Variants in SLC27A2 observed in about 807,000 individuals in gnomAD.
The protein encoded by SLC27A2 is solute carrier family 27 member 2.
Under a neutral mutation model 60.0 loss-of-function variants are expected in SLC27A2, and 54 were observed. The ratio of observed to expected loss-of-function variants is 0.90; its 90% CI spans 0.72 to 1.13. SLC27A2 has a LOEUF of 1.13. SLC27A2 is among the 50% of genes most tolerant of loss of function. The probability of loss-of-function intolerance (pLI) is 0.00; values close to 1 mark genes in which losing one functional copy is unlikely to be tolerated. For synonymous variants in SLC27A2, 297 were observed against 297.6 expected, an observed-to-expected ratio of 1.00 and a Z score of 0.02; for missense variants, 739 against 777.6, an observed-to-expected ratio of 0.95 and a Z score of 0.59.
intron 2 of SLC27A2, among the ~76,000 whole-genome samples, chr15:50,200,412 T>A (rs561518324): frequency 0.039 from 3,019 of 77,030 alleles, 45 homozygotes; most frequent in Admixed American, 0.058. Context: ...TGAAAGCCTA[T>A]CTCAAAAATA....
chr15:50,230,606 A>G (rs2045310713), intron 8 of SLC27A2, among the ~76,000 whole-genome samples: 1 of 152,158 alleles, frequency 6.6e-6, no homozygotes, highest in Non-Finnish European at 1.5e-5. Flanking sequence ...AGGGACAATG[A>G]CACGAGGGGA....
intron 2 of SLC27A2, among the ~76,000 whole-genome samples, chr15:50,200,326 GC>G (rs1287509870): frequency 6.6e-6 from 1 of 152,044 alleles, no homozygotes; most frequent in Non-Finnish European, 1.5e-5. Flanking sequence ...TACCTGGGGG[GC>G]TGAGACAGGA....
intron 1 of SLC27A2, among the ~76,000 whole-genome samples, chr15:50,196,247 C>T (rs542835313): frequency 1.3e-5 from 2 of 150,148 alleles, no homozygotes; most frequent in Non-Finnish European, 3.0e-5. Flanking sequence ...CATATTAAAT[C>T]GGTGCCTTTA....
intron 9 of SLC27A2, among the ~76,000 whole-genome samples, chr15:50,235,499 CT>C (rs2045345105): frequency 6.6e-6 from 1 of 152,118 alleles, no homozygotes; most frequent in South Asian, 2.1e-4. Flanking sequence ...GATCCTAAAG[CT>C]TTAAGGGAAT....
At chr15:50,217,543 C>A (rs1014137354) in intron 4 of SLC27A2, among the ~76,000 whole-genome samples, 1 of 152,108 alleles carries the variant, frequency 6.6e-6, no homozygotes, top group Non-Finnish European at 1.5e-5. Context: ...TTAGGAAGAA[C>A]TAAACTTTCC....
At chr15:50,183,020 A>G in intron 1 of SLC27A2, 115 bp downstream of exon 1, 1 of 1,072,808 alleles carries the variant, frequency 9.3e-7, no homozygotes, top group Non-Finnish European at 1.3e-6. Flanking sequence ...AACTGTAGGT[A>G]TAGAAAAAGG....
At chr15:50,233,298 C>T (rs1393489903) in intron 8 of SLC27A2, among the ~76,000 whole-genome samples, 7 of 152,192 alleles carry the variant, frequency 4.6e-5, no homozygotes. Flanking sequence ...ACAAACCTGA[C>T]ATTGCAACCT....
intron 4 of SLC27A2, among the ~76,000 whole-genome samples, chr15:50,218,060 CAAAAAAAAAAAAAA>C (rs34661754): frequency 5.9e-4 from 38 of 63,900 alleles, no homozygotes; most frequent in Non-Finnish European, 8.4e-4. Context: ...GACTCTGTCT[CAAAAAAAAAAAAAA>C]AAAAAAAAAA....
chr15:50,215,669 C>G (rs370160827), intron 4 of SLC27A2, among the ~76,000 whole-genome samples: 137 of 152,242 alleles, frequency 9.0e-4, no homozygotes, highest in African/African-American at 3.0e-3. Context: ...TAAATACTTA[C>G]AGTCAACTGA....
At chr15:50,200,270 T>C (rs953633585) in intron 2 of SLC27A2, among the ~76,000 whole-genome samples, 6 of 151,900 alleles carry the variant, frequency 3.9e-5, no homozygotes, top group Non-Finnish European at 7.4e-5. Flanking sequence ...CTACAAAAAA[T>C]ATAAATAAAC....
chr15:50,187,029 A>G (rs1316228045), intron 1 of SLC27A2, among the ~76,000 whole-genome samples: 1 of 152,240 alleles, frequency 6.6e-6, no homozygotes, highest in Non-Finnish European at 1.5e-5. Flanking sequence ...GGCATTTATC[A>G]TGAGGATTGA....
At chr15:50,196,053 C>CAAAAAAAAAAAAAATTAAA (rs1567428267) in intron 1 of SLC27A2, among the ~76,000 whole-genome samples, 2 of 1,820 alleles carry the variant, frequency 1.1e-3, no homozygotes, top group Non-Finnish European at 2.9e-3. Flanking sequence ...GACTCTGTCT[C>CAAAAAAAAAAAAAATTAAA]AAAAAAAAAA....
chr15:50,205,326 T>C lies in SLC27A2; in HGVS notation c.935T>C (p.Ile312Thr), dbSNP rs1343668227. The C allele has an allele frequency of 5.0e-6, 8 of 1,609,622 alleles. No homozygotes were observed. The highest frequency in any genetic ancestry group is 4.0e-5 in the African/African-American group (3 of 74,874). ...TACAACGTCACTGTCATTCAGTATA[T>C]CGGTGAACTGCTTCGGTATTTATGC... ...RKYNVTVIQY[I>T]GELLRYLCNS... The change falls in exon 4 of 10, where the codon ATC (isoleucine) becomes ACC (threonine). Residue 312 changes from isoleucine to threonine, a missense_variant. By Grantham distance (89) the Ile-to-Thr change is moderately conservative. Transcript: ENST00000267842.
intron 1 of SLC27A2, among the ~76,000 whole-genome samples, chr15:50,186,901 A>C (rs996724362): frequency 1.3e-5 from 2 of 152,224 alleles, no homozygotes; most frequent in African/African-American, 4.8e-5. Flanking sequence ...AACATGATAC[A>C]TAAATGTCAG....
chr15:50,203,013 T>TTA (rs1555500673), intron 3 of SLC27A2, among the ~76,000 whole-genome samples: 2 of 133,108 alleles, frequency 1.5e-5, no homozygotes, highest in African/African-American at 5.4e-5. Context: ...ACCTCATCTC[T>TTA]AAAAAAAATA....
chr15:50,203,799 T>C (rs1371309141), intron 3 of SLC27A2, among the ~76,000 whole-genome samples: 1 of 151,922 alleles, frequency 6.6e-6, no homozygotes, highest in African/African-American at 2.4e-5. Flanking sequence ...TCATGAAAGG[T>C]AGTGCCCTTA....
Position 50,236,070 on chromosome 15 carries a change from A to ATAAG in SLC27A2, c.1839_1842dup (p.Ala615LysfsTer3). ...TATGACTGAGGACATCTATAATGCCATAAGTGCTAAAACCCTGAAACTCTG... is the reference window on the plus strand; with the variant it reads ...TATGACTGAGGACATCTATAATGCCATAAGTAAGTGCTAAAACCCTGAAACTCTG... On this transcript the variant is annotated frameshift_variant, in exon 10 of 10. Coordinates refer to ENST00000267842, the MANE Select transcript of SLC27A2 (RefSeq NM_003645.4). LOFTEE classifies it high-confidence loss of function. 1 of 1,610,514 alleles carries ATAAG rather than the reference A, an allele frequency of 6.2e-7. No individual in the cohort carries two copies. The highest frequency in any genetic ancestry group is 8.5e-7 in the Non-Finnish European group (1 of 1,177,986).
chr15:50,184,361 T>C (rs567731779), intron 1 of SLC27A2, among the ~76,000 whole-genome samples: 1 of 152,240 alleles, frequency 6.6e-6, no homozygotes, highest in South Asian at 2.1e-4. Context: ...AGGGATGAAG[T>C]GTCCACTTGC....
intron 1 of SLC27A2, among the ~76,000 whole-genome samples, chr15:50,185,921 G>A (rs780211514): frequency 1.1e-4 from 16 of 151,754 alleles, no homozygotes; most frequent in African/African-American, 1.2e-4. Context: ...GAGCCACCAC[G>A]CCTGGCCGGA....
Sources: allele counts gnomAD v4.1 joint callset (sites outside exome capture counted in the v4.1 genomes callset), GRCh38; gene constraint gnomAD v4.1.1; transcripts MANE v1.5; gene names NCBI Gene and HGNC (gene_info 2026-07-23, HGNC 2026-07-21).